OPRM1: variants seen among roughly 807,000 people sequenced by gnomAD.
The protein encoded by OPRM1 is mu-type opioid receptor.
In OPRM1, 27 loss-of-function variants were observed where a neutral mutation model predicts 31.8. The ratio of observed to expected loss-of-function variants is 0.85; its 90% CI spans 0.63 to 1.17. OPRM1 has a LOEUF of 1.17. OPRM1 is among the 50% of genes most tolerant of loss of function. The pLI is 0.00. For missense variants in OPRM1, 536 were observed against 511.1 expected (o/e 1.05, Z -0.47); for synonymous variants, 196 against 189.9 (o/e 1.03, Z -0.26).
chr6:154,018,989 G>C (rs1296451353), intron 1 of OPRM1, among the ~76,000 whole-genome samples: 1 of 151,878 alleles, frequency 6.6e-6, no homozygotes, highest in East Asian at 1.9e-4. Context: ...TGGGTGCCTA[G>C]TAGGTGTATA....
At chr6:154,050,643 G>A (rs756932046) in intron 1 of OPRM1, among the ~76,000 whole-genome samples, 7 of 151,982 alleles carry the variant, frequency 4.6e-5, no homozygotes, top group Non-Finnish European at 8.8e-5. Flanking sequence ...AGGAGGTGGG[G>A]ATTGCTAACA....
At position 154,112,099 on chromosome 6, in the gene OPRM1, A is replaced by G. The variant is rs9397685; in HGVS notation, c.1165-6584A>G. 8.7e-3 allele frequency among the ~76,000 whole-genome samples: 1,322 copies of G among 152,352 alleles called. 104 individuals carry two copies. In the East Asian group the frequency reaches 0.2, roughly 23 times the overall value. ...AGTTTAAAAAATTGTTGACAAAAAT[A>G]GAAAACCGACAGCAGAGAGTTGTGT... On this transcript the variant is annotated intron_variant, in intron 3 of 3. Transcript: ENST00000330432.
chr6:154,136,214 G>C (rs1414800836), downstream of OPRM1, among the ~76,000 whole-genome samples: 2 of 152,060 alleles, frequency 1.3e-5, no homozygotes, highest in Non-Finnish European at 2.9e-5. Context: ...ACCCCTACCT[G>C]TGTCATGCCT....
intron 3 of OPRM1, among the ~76,000 whole-genome samples, chr6:154,208,670 T>C (rs1365084580): frequency 1.3e-5 from 2 of 152,228 alleles, no homozygotes; most frequent in South Asian, 2.1e-4. Flanking sequence ...TATCTCATGA[T>C]GCTTTTTTAA....
At chr6:154,071,534 C>G (rs974181561) in intron 1 of OPRM1, among the ~76,000 whole-genome samples, 6 of 151,760 alleles carry the variant, frequency 4.0e-5, no homozygotes, top group Non-Finnish European at 8.8e-5. Context: ...CGAAAACCCC[C>G]AGGAATATCC....
At chr6:154,023,011 T>TC (rs78895485) in intron 1 of OPRM1, among the ~76,000 whole-genome samples, 13,494 of 152,184 alleles carry the variant, frequency 0.089, 1,066 homozygotes, top group African/African-American at 0.21. Context: ...TTCTTCTTGC[T>TC]CGGAGAGCTT....
At chr6:154,066,111 A>G (rs1245416044) in intron 1 of OPRM1, among the ~76,000 whole-genome samples, 1 of 152,214 alleles carries the variant, frequency 6.6e-6, no homozygotes, top group Non-Finnish European at 1.5e-5. Flanking sequence ...CATTCCAGAA[A>G]TAAATCCCAG....
At chr6:154,217,628 T>C (rs1778519690) in intron 3 of OPRM1, 1 of 152,202 alleles carries the variant, frequency 6.6e-6, no homozygotes, top group Admixed American at 6.5e-5. Flanking sequence ...CACGAATACG[T>C]TTTATGTATT....
intron 1 of OPRM1, among the ~76,000 whole-genome samples, chr6:154,013,935 T>A (rs550978823): frequency 1.3e-5 from 2 of 152,194 alleles, no homozygotes; most frequent in East Asian, 1.9e-4. Flanking sequence ...ATATTGTTGA[T>A]CCTAGAGTCA....
intron 3 of OPRM1, among the ~76,000 whole-genome samples, chr6:154,226,698 C>A (rs1779279864): frequency 6.6e-6 from 1 of 152,086 alleles, no homozygotes; most frequent in South Asian, 2.1e-4. Flanking sequence ...ACAGTCACAG[C>A]AAATGTTTAC....
chr6:154,218,108 G>A (rs899748962), intron 3 of OPRM1, among the ~76,000 whole-genome samples: 1 of 152,146 alleles, frequency 6.6e-6, no homozygotes, highest in Admixed American at 6.5e-5. Context: ...CATCATGGCA[G>A]CAGGAAAACA....
At chr6:154,017,274 T>C (rs991048472) in intron 1 of OPRM1, among the ~76,000 whole-genome samples, 4 of 152,200 alleles carry the variant, frequency 2.6e-5, no homozygotes, top group Non-Finnish European at 4.4e-5. Context: ...TGATGCCTGA[T>C]AAATATTTGT....
At chr6:154,040,596 G>C (rs1489064393) in intron 1 of OPRM1, among the ~76,000 whole-genome samples, 1 of 152,204 alleles carries the variant, frequency 6.6e-6, no homozygotes, top group African/African-American at 2.4e-5. Flanking sequence ...GTTGGTTCAG[G>C]AGAACCGCAG....
intron 3 of OPRM1, chr6:154,222,946 C>G: frequency 1.8e-6 from 1 of 571,300 alleles, no homozygotes; most frequent in Middle Eastern, 4.7e-4. Context: ...CATGCCAAGA[C>G]TTCGTGGGGG....
chr6:154,234,220 C>T (rs149160386), intron 3 of OPRM1, among the ~76,000 whole-genome samples: 1 of 152,202 alleles, frequency 6.6e-6, no homozygotes, highest in Admixed American at 6.5e-5. Flanking sequence ...CATAAATAAA[C>T]AAATCAATAT....
At chr6:154,227,886 C>T (rs1401192536) in intron 3 of OPRM1, among the ~76,000 whole-genome samples, 6 of 151,938 alleles carry the variant, frequency 3.9e-5, no homozygotes, top group African/African-American at 1.5e-4. Flanking sequence ...GAAATTATCA[C>T]TTTATAAGCA....
intron 1 of OPRM1, among the ~76,000 whole-genome samples, chr6:154,062,489 AATC>A (rs1295291927): frequency 6.6e-6 from 1 of 152,062 alleles, no homozygotes; most frequent in East Asian, 1.9e-4. Context: ...TTTATTCATG[AATC>A]ATATTTTCTC....
chr6:154,061,161 A>C (rs1469297677), intron 1 of OPRM1, among the ~76,000 whole-genome samples: 2 of 152,188 alleles, frequency 1.3e-5, no homozygotes, highest in Non-Finnish European at 2.9e-5. Flanking sequence ...GCTTTCTGCT[A>C]CCATCAGAGA....
At chr6:154,022,951 T>C (rs575291083) in intron 1 of OPRM1, among the ~76,000 whole-genome samples, 153 of 152,204 alleles carry the variant, frequency 1.0e-3, no homozygotes, top group African/African-American at 3.6e-3. Context: ...TTGGTTACTT[T>C]AGCTCTGTAG....
Sources: gnomAD v4.1 joint callset for allele counts (sites outside exome capture counted in the v4.1 genomes callset) on GRCh38, gnomAD v4.1.1 for gene constraint, MANE v1.5 for transcripts, NCBI Gene and HGNC (gene_info 2026-07-23, HGNC 2026-07-21) for gene names.